Variants in ELP4 observed in about 807,000 individuals in gnomAD.
ELP4 encodes the protein elongator acetyltransferase complex subunit 4.
ELP4 carries 51 observed loss-of-function variants against 48.9 expected under a neutral mutation model. The ratio of observed to expected loss-of-function variants is 1.04; its 90% CI spans 0.83 to 1.32. ELP4 has a LOEUF of 1.32. Ranked by LOEUF, ELP4 falls within the 40% of genes most tolerant of loss-of-function variation. The probability of loss-of-function intolerance (pLI) is 0.00; values close to 1 mark genes in which losing one functional copy is unlikely to be tolerated. For missense variants in ELP4, 519 were observed against 514.6 expected, an observed-to-expected ratio of 1.01 and a Z score of -0.08; for synonymous variants, 210 against 189.2, an observed-to-expected ratio of 1.11 and a Z score of -0.90.
chr11:31,692,838 T>C (rs914180074), intron 9 of ELP4, among the ~76,000 whole-genome samples: 3 of 152,052 alleles, frequency 2.0e-5, no homozygotes, highest in African/African-American at 7.2e-5. Flanking sequence ...TATCACTGTC[T>C]CCCTCAGGGC....
chr11:31,621,901 T>C (rs1359663707), intron 5 of ELP4, among the ~76,000 whole-genome samples: 1 of 151,814 alleles, frequency 6.6e-6, no homozygotes, highest in Non-Finnish European at 1.5e-5. Context: ...ATTTGAGTTC[T>C]TGAAAGTTTG....
intron 7 of ELP4, 112 bp downstream of exon 7, chr11:31,632,517 C>CT: frequency 1.2e-6 from 1 of 806,564 alleles, no homozygotes; most frequent in Non-Finnish European, 1.8e-6. Context: ...TTTTCAGGTG[C>CT]TTTCTGGCCA....
intron 9 of ELP4, among the ~76,000 whole-genome samples, chr11:31,717,925 C>G (rs1685581409): frequency 6.6e-6 from 1 of 152,056 alleles, no homozygotes; most frequent in South Asian, 2.1e-4. Context: ...ATAACCGCAT[C>G]CATAGTTGAC....
At chr11:31,662,615 C>T in intron 9 of ELP4, 1 of 397,800 alleles carries the variant, frequency 2.5e-6, no homozygotes, top group South Asian at 1.3e-4. Flanking sequence ...TAAAGAAGAA[C>T]CCCTACTTTA....
At chr11:31,664,893 T>TTAATATTTA (rs1945638688) in intron 9 of ELP4, among the ~76,000 whole-genome samples, 1 of 152,186 alleles carries the variant, frequency 6.6e-6, no homozygotes, top group Admixed American at 6.5e-5. Context: ...TTTTAAATAT[T>TTAATATTTA]AATCAATGCG....
At chr11:31,549,319 G>C (rs1222982273) in intron 3 of ELP4, among the ~76,000 whole-genome samples, 7 of 152,014 alleles carry the variant, frequency 4.6e-5, no homozygotes, top group Non-Finnish European at 1.0e-4. Context: ...ATCAATAAGT[G>C]GGCGAAGGAC....
chr11:31,609,139 C>T (rs924129952), intron 5 of ELP4, among the ~76,000 whole-genome samples: 6 of 152,156 alleles, frequency 3.9e-5, no homozygotes, highest in African/African-American at 1.4e-4. Context: ...GACATGCCCT[C>T]GCCCAGTGGC....
At chr11:31,730,467 T>C (rs1947163065) in intron 9 of ELP4, among the ~76,000 whole-genome samples, 1 of 152,150 alleles carries the variant, frequency 6.6e-6, no homozygotes, top group Non-Finnish European at 1.5e-5. Flanking sequence ...CATTTTAACA[T>C]GAATTTTGGA....
chr11:31,610,519 C>A (rs544069960), intron 5 of ELP4, among the ~76,000 whole-genome samples: 83 of 152,284 alleles, frequency 5.5e-4, no homozygotes, highest in Non-Finnish European at 9.0e-4. Context: ...TCCCTTCCCC[C>A]CTCCGTATTC....
At chr11:31,676,333 A>G (rs1433957745) in intron 9 of ELP4, among the ~76,000 whole-genome samples, 1 of 152,234 alleles carries the variant, frequency 6.6e-6, no homozygotes, top group East Asian at 1.9e-4. Context: ...ATCTATCCCT[A>G]TTCTGCCATT....
intron 4 of ELP4, among the ~76,000 whole-genome samples, chr11:31,602,097 G>A (rs556531313): frequency 6.6e-6 from 1 of 151,984 alleles, no homozygotes; most frequent in Admixed American, 6.6e-5. Context: ...GCCTGAGGGG[G>A]ATTTGCATCT....
intron 9 of ELP4, among the ~76,000 whole-genome samples, chr11:31,696,295 G>A (rs890468555): frequency 1.3e-5 from 2 of 151,994 alleles, no homozygotes; most frequent in Admixed American, 1.3e-4. Context: ...GCTTTCTCTT[G>A]TGGGCATTTA....
At chr11:31,577,151 A>G (rs1957298460) in intron 3 of ELP4, among the ~76,000 whole-genome samples, 1 of 152,222 alleles carries the variant, frequency 6.6e-6, no homozygotes, top group African/African-American at 2.4e-5. Context: ...AGAATACTAT[A>G]AACACCTCTA....
intron 9 of ELP4, among the ~76,000 whole-genome samples, chr11:31,674,446 C>T (rs929330950): frequency 6.6e-6 from 1 of 152,032 alleles, no homozygotes; most frequent in East Asian, 1.9e-4. Flanking sequence ...CAGTCATCAC[C>T]ATGTCTTCAG....
rs185570707 is a variant in ELP4 at position 31,595,635 on chromosome 11, A to G, written c.513+734A>G. Among the ~76,000 whole-genome samples, 530 of 152,216 alleles carry G rather than the reference A, an allele frequency of 3.5e-3. 1 individual carries two copies. The highest frequency in any genetic ancestry group is 6.5e-3 in the Non-Finnish European group (442 of 67,994). On this transcript the variant is annotated intron_variant, in intron 4 of 9. Coordinates refer to ENST00000640961, the MANE Select transcript of ELP4 (RefSeq NM_019040.5). ...ATGTGTATGATACCTTTAACTTCAA[A>G]TGCCTCATTTGGTTTCCTGTTTTCA... is the stretch of plus-strand genomic sequence containing the variant.
At chr11:31,581,048 A>G (rs568779228) in intron 3 of ELP4, among the ~76,000 whole-genome samples, 1 of 152,278 alleles carries the variant, frequency 6.6e-6, no homozygotes, top group African/African-American at 2.4e-5. Context: ...TAGAGGTAAC[A>G]ATTGCCTCAT....
chr11:31,787,456 T>A lies in ELP4; in HGVS notation c.*3932T>A, dbSNP rs1948741844. ...CTGGCTGCCTGACCGTGGTGGAAAT[T>A]ACAGCCAGCGAGAAGGAAGAAGTAA... On this transcript the variant is annotated 3_prime_UTR_variant, in exon 10 of 10. Coordinates refer to ENST00000640961, the MANE Select transcript of ELP4 (RefSeq NM_019040.5). The A allele has an allele frequency of 4.3e-6, 1 of 233,104 alleles. No individual in the cohort carries two copies. Among genetic ancestry groups the A allele is most frequent in the African/African-American group, 2.2e-5 (1 of 45,314 alleles). 14.4% of individuals were successfully genotyped at this position (233,104 alleles called of 1,614,324 possible).
chr11:31,526,456 T>C lies in ELP4; in HGVS notation c.259+6365T>C, dbSNP rs556115776. Among the ~76,000 whole-genome samples the C allele has an allele frequency of 1.6e-4, 25 of 152,164 alleles. No homozygotes were observed. In the South Asian group the frequency reaches 4.8e-3, roughly 29 times the overall value. On this transcript the variant is annotated intron_variant, in intron 2 of 9. Coordinates refer to ENST00000640961, the MANE Select transcript of ELP4 (RefSeq NM_019040.5). The stretch of plus-strand genomic sequence containing the variant: ...GTCACCTCTTTTTTATTTTCAGTAA[T>C]CTCAGTGGCCTTTTAAACCTTCAAA...
intron 9 of ELP4, among the ~76,000 whole-genome samples, chr11:31,734,536 G>T (rs1219367347): frequency 6.6e-6 from 1 of 152,100 alleles, no homozygotes; most frequent in Admixed American, 6.5e-5. Flanking sequence ...AGACAACAAG[G>T]AAAACTTAGT....
Sources: gnomAD v4.1 joint callset for allele counts (sites outside exome capture counted in the v4.1 genomes callset) on GRCh38, gnomAD v4.1.1 for gene constraint, MANE v1.5 for transcripts, NCBI Gene and HGNC (gene_info 2026-07-23, HGNC 2026-07-21) for gene names.